KDM3A: variants seen among roughly 807,000 people sequenced by gnomAD.
KDM3A encodes lysine demethylase 3A.
In KDM3A, 60 loss-of-function variants were observed where a neutral mutation model predicts 158.0. The ratio of observed to expected loss-of-function variants is 0.38; its 90% CI spans 0.31 to 0.47. The LOEUF is 0.47. Among genes scored for constraint, KDM3A ranks in the 20% least tolerant of loss-of-function variants. The pLI is 0.99. For synonymous variants in KDM3A, 608 were observed against 549.3 expected, an observed-to-expected ratio of 1.11 and a Z score of -1.49; for missense variants, 1,319 against 1,574.3, an observed-to-expected ratio of 0.84 and a Z score of 2.74.
upstream of KDM3A, among the ~76,000 whole-genome samples, chr2:86,439,233 G>A (rs1682552091): frequency 6.6e-6 from 1 of 151,926 alleles, no homozygotes; most frequent in South Asian, 2.1e-4. Flanking sequence ...GTGAATATAC[G>A]ATTTTTCTTT....
intron 21 of KDM3A, chr2:86,486,955 C>T (rs926832810): frequency 1.1e-4 from 16 of 152,324 alleles, no homozygotes; most frequent in African/African-American, 3.9e-4. Context: ...GGCCTCTTGC[C>T]TGTTCCTCAC....
At chr2:86,465,573 A>T (rs989449972) in intron 9 of KDM3A, among the ~76,000 whole-genome samples, 1 of 151,926 alleles carries the variant, frequency 6.6e-6, no homozygotes, top group African/African-American at 2.4e-5. Context: ...ACACCAGGCT[A>T]ATTTTTAATT....
chr2:86,464,188 C>T lies in KDM3A; in HGVS notation c.979C>T (p.Pro327Ser). 2 of 1,606,532 alleles carry T rather than the reference C, an allele frequency of 1.2e-6. No homozygotes were observed. The highest frequency in any genetic ancestry group is 1.7e-6 in the Non-Finnish European group (2 of 1,175,788). The change falls in exon 9 of 26, where the codon CCT becomes TCT. Residue 327 changes from proline to serine, a missense_variant. Transcript: ENST00000312912. ...TACTCCCCAGGCTGCCAACTCTCCA[C>T]CTAACCTTGGAGCAAAAATTCCTCA... Reference protein sequence around the residue: ...QSTPQAANSPPNLGAKIPQGC... With the variant: ...QSTPQAANSPSNLGAKIPQGC...
At chr2:86,457,913 C>T (rs569347100) in intron 8 of KDM3A, among the ~76,000 whole-genome samples, 3 of 152,054 alleles carry the variant, frequency 2.0e-5, no homozygotes, top group Admixed American at 6.6e-5. Flanking sequence ...CCATTTGGAC[C>T]GAGACTATTT....
chr2:86,478,814 T>C (rs1194243631), intron 15 of KDM3A, 79 bp downstream of exon 15: 1 of 1,438,530 alleles, frequency 7.0e-7, no homozygotes, highest in Non-Finnish European at 9.6e-7. Flanking sequence ...AGGATTTCTA[T>C]CAGTGCATTT....
intron 17 of KDM3A, 42 bp from the exon 18 acceptor site, chr2:86,482,416 G>A (rs1673978090): frequency 5.6e-6 from 9 of 1,600,004 alleles, no homozygotes; most frequent in Non-Finnish European, 7.7e-6. Context: ...TTGATGGTAA[G>A]GGAATGACAT....
At chr2:86,444,156 A>G (rs893544806) in intron 2 of KDM3A, among the ~76,000 whole-genome samples, 2 of 152,178 alleles carry the variant, frequency 1.3e-5, no homozygotes, top group Non-Finnish European at 2.9e-5. Context: ...AGGTGGTGAT[A>G]TCTTCATTTT....
Position 86,442,430 on chromosome 2 carries a change from C to T in KDM3A, c.186+197C>T, listed in dbSNP as rs1365227257. On this transcript the variant is annotated intron_variant, in intron 2 of 25. Coordinates refer to ENST00000312912, the MANE Select transcript of KDM3A (RefSeq NM_018433.6). ...GTTGTGTTTGGCCCACAGCTCCTGG[C>T]TGCCTGGCTTTAATAATGGGCTTAG... is the stretch of plus-strand genomic sequence containing the variant. 5.3e-6 allele frequency: 3 copies of T among 567,658 alleles called. No individual in the cohort carries two copies. In the African/African-American group the frequency reaches 5.7e-5, roughly 11 times the overall value. The allele number at this position is 567,658 out of a possible 1,614,324, so 35.2% of individuals were successfully genotyped here. A position where few individuals can be genotyped will look rare whatever the true frequency, so the allele number is the denominator to read the frequency against.
At chr2:86,471,125 A>G (rs1257877352) in intron 11 of KDM3A, among the ~76,000 whole-genome samples, 1 of 152,100 alleles carries the variant, frequency 6.6e-6, no homozygotes, top group Non-Finnish European at 1.5e-5. Flanking sequence ...GGGTTTGAGC[A>G]TGCTCCCATG....
chr2:86,440,424 T>G (rs554796499), upstream of KDM3A, among the ~76,000 whole-genome samples: 150 of 152,318 alleles, frequency 9.8e-4, no homozygotes, highest in African/African-American at 3.4e-3. Context: ...TCTTTTTCAT[T>G]CAATCAAAAT....
At chr2:86,471,365 G>A (rs1016833630) in intron 11 of KDM3A, among the ~76,000 whole-genome samples, 3 of 149,326 alleles carry the variant, frequency 2.0e-5, no homozygotes, top group Admixed American at 6.7e-5. Context: ...GTGTATATGT[G>A]TATATATGTA....
rs761752202 is a variant in KDM3A, at chr2:86,451,141, C to G, written c.381C>G (p.Ser127=). 5.0e-6 allele frequency: 8 copies of G among 1,611,850 alleles called. No homozygotes were observed. The South Asian group carries it at 6.6e-5, about 13-fold the overall frequency. ...KPLLDKAGLG[S]ITSVRFLGDQ... ...TGTTGGACAAAGCTGGTTTGGGATC[C>G]ATAACTTCTGTTCGCTTTCTGGGAG... Residue 127 remains serine, a synonymous_variant, in exon 4 of 26, where the codon TCC becomes TCG. Coordinates refer to ENST00000312912, the MANE Select transcript of KDM3A (RefSeq NM_018433.6).
intron 8 of KDM3A, among the ~76,000 whole-genome samples, chr2:86,462,201 G>GT (rs370408258): frequency 0.024 from 3,488 of 146,496 alleles, 107 homozygotes; most frequent in African/African-American, 0.078. Context: ...TAGATGGAGG[G>GT]TTTTTTTTTT....
At chr2:86,483,719 A>G (rs186876117) in intron 18 of KDM3A, 207 of 239,960 alleles carry the variant, frequency 8.6e-4, no homozygotes, top group African/African-American at 4.5e-3. Context: ...GTCTTGCTGT[A>G]AGTAATGAGA....
intron 12 of KDM3A, among the ~76,000 whole-genome samples, chr2:86,475,998 G>A (rs545831539): frequency 3.3e-5 from 5 of 152,302 alleles, no homozygotes; most frequent in East Asian, 3.9e-4. Context: ...AGGGAATTGC[G>A]AGTGCCTGGG....
chr2:86,450,155 G>C (rs981008149), intron 3 of KDM3A, among the ~76,000 whole-genome samples, 193 bp downstream of exon 3: 3 of 152,206 alleles, frequency 2.0e-5, no homozygotes, highest in African/African-American at 7.2e-5. Context: ...TTGACAAATA[G>C]GGATGGAGGT....
intron 23 of KDM3A, 59 bp from the exon 24 acceptor site, chr2:86,490,822 A>AATGGC: frequency 7.4e-7 from 1 of 1,346,256 alleles, no homozygotes. Context: ...AGAGGAAAAA[A>AATGGC]ATGGCTTATT....
intron 9 of KDM3A, among the ~76,000 whole-genome samples, chr2:86,465,133 A>T (rs1446745412): frequency 6.6e-6 from 1 of 152,204 alleles, no homozygotes; most frequent in African/African-American, 2.4e-5. Context: ...GGTATAATAG[A>T]AAAAAAGGAC....
chr2:86,482,072 C>T lies in KDM3A; in HGVS notation c.2655C>T (p.Leu885=), dbSNP rs267599491. 2.5e-6 allele frequency: 4 copies of T among 1,614,100 alleles called. No individual in the cohort carries two copies. In the South Asian group the frequency reaches 4.4e-5, roughly 18 times the overall value. ...TAAGCAACAACAATTCTGGTTTCCT[C>T]CGGAATCTCTTGAATTCTTCTACAG... is the stretch of plus-strand genomic sequence containing the variant. The part of the protein sequence containing the change: ...TPVSNNNSGF[L]RNLLNSSTGK... The change falls in exon 17 of 26, where the codon CTC becomes CTT. Residue 885 remains leucine, a synonymous_variant. Transcript: ENST00000312912.
Sources: gnomAD v4.1 joint callset for allele counts (sites outside exome capture counted in the v4.1 genomes callset) on GRCh38, gnomAD v4.1.1 for gene constraint, MANE v1.5 for transcripts, NCBI Gene and HGNC (gene_info 2026-07-23, HGNC 2026-07-21) for gene names.